CHD7: variants seen among roughly 807,000 people sequenced by gnomAD.
CHD7 encodes the protein chromodomain helicase DNA binding protein 7, also known as ATP-dependent chromatin remodeler CHD7.
A neutral mutation model predicts 307.3 loss-of-function variants in CHD7; 24 were observed. The ratio of observed to expected loss-of-function variants is 0.08; its 90% CI spans 0.06 to 0.11. The LOEUF is 0.11. CHD7 is among the 10% of genes least tolerant of loss of function. The probability of loss-of-function intolerance (pLI) is 1.00; values close to 1 mark genes in which losing one functional copy is unlikely to be tolerated. For synonymous variants in CHD7, 1,363 were observed against 1,349.9 expected (o/e 1.01, Z -0.21); for missense variants, 3,106 against 3,727.1 (o/e 0.83, Z 4.34).
chr8:60,825,913 T>C (rs1039148380), intron 13 of CHD7, among the ~76,000 whole-genome samples: 4 of 152,166 alleles, frequency 2.6e-5, no homozygotes, highest in African/African-American at 9.6e-5. Flanking sequence ...TAGGTATACA[T>C]GTGCCATGTT....
In CHD7 at chr8:60,821,797, C is replaced by T. The variant is rs1179313698; in HGVS notation, c.2705C>T (p.Thr902Ile). 3 of 1,558,242 alleles carry T rather than the reference C, an allele frequency of 1.9e-6. No homozygotes were observed. Among genetic ancestry groups the T allele is most frequent in the South Asian group, 1.2e-5 (1 of 84,614 alleles). Residue 902 changes from threonine to isoleucine, a missense_variant, in exon 10 of 38, where the codon ACT (threonine) becomes ATT (isoleucine). Physicochemically the swap from Thr to Ile is moderately conservative, Grantham distance 89 (BLOSUM62 -1). Around this residue, in one of 10 missense-constraint regions of CHD7, gnomAD observed 188 missense variants for 261.7 expected, o/e 0.72. Transcript: ENST00000423902. ...TATTTAAATCTGGTCCAGCCTGTGA[C>T]TCACTATCTGGTGAAGTGGTGTTCA... ...RSTDDRGEPV[T>I]HYLVKWCSLP...
At chr8:60,779,373 AG>A (rs1811097297) in intron 2 of CHD7, among the ~76,000 whole-genome samples, 1 of 152,190 alleles carries the variant, frequency 6.6e-6, no homozygotes, top group Non-Finnish European at 1.5e-5. Flanking sequence ...AGAAGATGTT[AG>A]GAAGAGGTGG....
chr8:60,821,180 C>T (rs10098584), intron 9 of CHD7, among the ~76,000 whole-genome samples: 10,639 of 152,166 alleles, frequency 0.07, 1,062 homozygotes, highest in African/African-American at 0.22. Context: ...ATTATGTAAA[C>T]ATTGAAATAT....
Position 60,742,078 on chromosome 8 carries a change from G to A in CHD7, c.646G>A (p.Gly216Ser). The A allele has an allele frequency of 6.2e-7, 1 of 1,613,892 alleles. No individual in the cohort carries two copies. Among genetic ancestry groups the A allele is most frequent in the East Asian group, 2.2e-5 (1 of 44,878 alleles). Residue 216 changes from glycine to serine, a missense_variant, in exon 2 of 38, where the codon GGC (glycine) becomes AGC (serine). Physicochemically the swap from Gly to Ser is moderately conservative, Grantham distance 56 (BLOSUM62 0). Transcript: ENST00000423902. The stretch of plus-strand genomic sequence containing the variant: ...GCAGAGGATGAGCCAGTTTTCCCAA[G>A]GCCAAGAGGGCCTCAATCAGGGAAA... ...PQQRMSQFSQGQEGLNQGNPF... is the reference protein window; with the variant it reads ...PQQRMSQFSQSQEGLNQGNPF...
At chr8:60,857,558 T>TA (rs1190543128) in intron 34 of CHD7, among the ~76,000 whole-genome samples, 1 of 152,182 alleles carries the variant, frequency 6.6e-6, no homozygotes, top group Non-Finnish European at 1.5e-5. Context: ...TGTGCTTTTT[T>TA]AAAAAATGGT....
At chr8:60,801,995 G>A (rs2150711992) in intron 6 of CHD7, among the ~76,000 whole-genome samples, 1 of 152,218 alleles carries the variant, frequency 6.6e-6, no homozygotes, top group East Asian at 1.9e-4. Flanking sequence ...TTAGCAAGTA[G>A]GTGTTTTCTC....
intron 1 of CHD7, among the ~76,000 whole-genome samples, chr8:60,728,829 C>T (rs1162819860): frequency 6.6e-6 from 1 of 151,956 alleles, no homozygotes; most frequent in East Asian, 1.9e-4. Flanking sequence ...TTTATTTTAA[C>T]TTGTAGGTTT....
chr8:60,724,264 T>C (rs936086744), intron 1 of CHD7, among the ~76,000 whole-genome samples: 1 of 152,208 alleles, frequency 6.6e-6, no homozygotes, highest in Non-Finnish European at 1.5e-5. Context: ...GTTTAATTCT[T>C]ATTACAGCAC....
intron 8 of CHD7, among the ~76,000 whole-genome samples, chr8:60,819,648 T>C (rs771174736): frequency 6.6e-6 from 1 of 152,262 alleles, no homozygotes; most frequent in Non-Finnish European, 1.5e-5. Flanking sequence ...TGACTCTGAT[T>C]CTTCATTGCA....
At chr8:60,706,702 C>T (rs1335991531) in intron 1 of CHD7, among the ~76,000 whole-genome samples, 2 of 151,856 alleles carry the variant, frequency 1.3e-5, no homozygotes, top group African/African-American at 2.4e-5. Context: ...AGTTTGAAAC[C>T]CCTCAGTGGA....
intron 1 of CHD7, among the ~76,000 whole-genome samples, chr8:60,706,864 C>A (rs1807046388): frequency 6.6e-6 from 1 of 152,070 alleles, no homozygotes; most frequent in African/African-American, 2.4e-5. Flanking sequence ...TACATGTGCA[C>A]AACATGCAGG....
Position 60,811,609 on chromosome 8 carries a change from C to T in CHD7, c.2498+3337C>T, listed in dbSNP as rs1812811082. ...GTGTGTAAGTGGCTTCTGATGTTTT[C>T]CAATTACGGATAATGCTACAATATA... On this transcript the variant is annotated intron_variant, in intron 7 of 37. Transcript: ENST00000423902. Among the ~76,000 whole-genome samples, 5 of 152,112 alleles carry T rather than the reference C, an allele frequency of 3.3e-5. No homozygotes were observed. The South Asian group carries it at 1.0e-3, about 32-fold the overall frequency.
At chr8:60,848,480 T>C (rs774912964) in intron 23 of CHD7, 35 bp from the exon 24 acceptor site, 2 of 1,515,686 alleles carry the variant, frequency 1.3e-6, no homozygotes, top group Non-Finnish European at 9.1e-7. Flanking sequence ...GTCCTGAAGT[T>C]AAGAACTTTT....
chr8:60,791,856 C>G (rs1811788772), intron 3 of CHD7, among the ~76,000 whole-genome samples: 1 of 152,180 alleles, frequency 6.6e-6, no homozygotes, highest in Non-Finnish European at 1.5e-5. Context: ...GAAGGCTCTT[C>G]CTTCTATGTA....
At chr8:60,800,180 G>A (rs991817018) in intron 4 of CHD7, among the ~76,000 whole-genome samples, 13 of 151,972 alleles carry the variant, frequency 8.6e-5, no homozygotes, top group African/African-American at 2.4e-4. Flanking sequence ...ACAGGCACCC[G>A]CCACCACGCC....
At chr8:60,727,409 A>G (rs909652702) in intron 1 of CHD7, among the ~76,000 whole-genome samples, 12 of 152,330 alleles carry the variant, frequency 7.9e-5, no homozygotes, top group African/African-American at 2.4e-4. Context: ...GATTACAGGC[A>G]TGAGCCACTG....
At chr8:60,737,344 A>T (rs1027484404) in intron 1 of CHD7, among the ~76,000 whole-genome samples, 1 of 152,190 alleles carries the variant, frequency 6.6e-6, no homozygotes, top group Non-Finnish European at 1.5e-5. Flanking sequence ...CAGGCCTTTA[A>T]TATTTTGTCC....
At chr8:60,730,811 G>C (rs994967047) in intron 1 of CHD7, among the ~76,000 whole-genome samples, 1 of 151,964 alleles carries the variant, frequency 6.6e-6, no homozygotes, top group Non-Finnish European at 1.5e-5. Flanking sequence ...AGTTAGCTGA[G>C]ATCGCGCCAC....
intron 3 of CHD7, among the ~76,000 whole-genome samples, chr8:60,786,152 T>G (rs186509832): frequency 7.5e-4 from 114 of 152,354 alleles, no homozygotes; most frequent in African/African-American, 2.7e-3. Context: ...TAGCATCTTT[T>G]AAATCCCGAA....
Sources: allele counts gnomAD v4.1 joint callset (sites outside exome capture counted in the v4.1 genomes callset), GRCh38; gene constraint gnomAD v4.1.1; regional missense constraint gnomAD v4.1.1; transcripts MANE v1.5; gene names NCBI Gene and HGNC (gene_info 2026-07-23, HGNC 2026-07-21).